Variants in SDK1 observed in about 807,000 individuals in gnomAD.
SDK1 encodes protein sidekick-1.
A neutral mutation model predicts 245.5 loss-of-function variants in SDK1; 157 were observed. The observed-to-expected ratio is 0.64, with a 90% confidence interval of 0.56 to 0.73. The LOEUF (loss-of-function observed/expected upper bound fraction) is 0.73. Among genes scored for constraint, SDK1 ranks in the 30% least tolerant of loss-of-function variants. SDK1 has a pLI of 0.00. For missense variants in SDK1, 3,583 were observed against 3,002.3 expected (o/e 1.19, Z -4.52); for synonymous variants, 1,647 against 1,278.5 (o/e 1.29, Z -6.15).
chr7:3,951,092 C>A, intron 6 of SDK1, 58 bp downstream of exon 6: 1 of 1,268,146 alleles, frequency 7.9e-7, no homozygotes, highest in Non-Finnish European at 1.2e-6. Context: ...TGTGACGAGC[C>A]GACGATAGAA....
chr7:4,234,596 C>A (rs73674250), intron 41 of SDK1, among the ~76,000 whole-genome samples: 1 of 152,274 alleles, frequency 6.6e-6, no homozygotes, highest in African/African-American at 2.4e-5. Flanking sequence ...CAAAGCTGGT[C>A]CCTGGTTGTG....
chr7:3,509,710 C>A (rs1583975054), intron 1 of SDK1, among the ~76,000 whole-genome samples: 1 of 152,196 alleles, frequency 6.6e-6, no homozygotes, highest in South Asian at 2.1e-4. Context: ...ACAGGGCAGG[C>A]TCAGAGAGCA....
intron 1 of SDK1, among the ~76,000 whole-genome samples, chr7:3,409,433 G>T (rs986153051): frequency 6.6e-6 from 1 of 151,808 alleles, no homozygotes; most frequent in Non-Finnish European, 1.5e-5. Context: ...TGGCTGTTCT[G>T]CCTCTTCACC....
intron 14 of SDK1, among the ~76,000 whole-genome samples, chr7:3,998,635 C>CT (rs1784851415): frequency 1.3e-5 from 2 of 152,186 alleles, no homozygotes. Context: ...ATCTATGACT[C>CT]TAGGTTCCCC....
intron 1 of SDK1, among the ~76,000 whole-genome samples, chr7:3,466,979 T>C (rs911518140): frequency 7.8e-6 from 1 of 127,542 alleles, no homozygotes; most frequent in African/African-American, 3.1e-5. Context: ...TCTCTCTCTC[T>C]ACACACACAC....
intron 4 of SDK1, among the ~76,000 whole-genome samples, chr7:3,645,543 A>G (rs1271608844): frequency 6.6e-6 from 1 of 152,232 alleles, no homozygotes; most frequent in Non-Finnish European, 1.5e-5. Flanking sequence ...TACAAATTAT[A>G]TGAATATTAA....
At chr7:3,847,432 A>G (rs895706706) in intron 5 of SDK1, among the ~76,000 whole-genome samples, 1 of 152,242 alleles carries the variant, frequency 6.6e-6, no homozygotes, top group Non-Finnish European at 1.5e-5. Context: ...CGAGGCCTTT[A>G]ACAAGCTATG....
intron 16 of SDK1, among the ~76,000 whole-genome samples, chr7:4,014,436 T>G (rs1376297381): frequency 6.6e-6 from 1 of 152,124 alleles, no homozygotes; most frequent in South Asian, 2.1e-4. Context: ...TATCAAAGTT[T>G]TCAGAAATGA....
intron 1 of SDK1, among the ~76,000 whole-genome samples, chr7:3,585,745 G>C (rs1040639308): frequency 2.0e-5 from 3 of 152,172 alleles, no homozygotes; most frequent in African/African-American, 7.2e-5. Context: ...TCAGGATTGA[G>C]CACAGCATAA....
At chr7:4,149,555 C>A in intron 30 of SDK1, 92 bp downstream of exon 30, 2 of 801,462 alleles carry the variant, frequency 2.5e-6, no homozygotes, top group South Asian at 2.4e-5. Context: ...CTGTGTGGGC[C>A]AAGCAGGTGC....
intron 4 of SDK1, among the ~76,000 whole-genome samples, chr7:3,726,908 A>C (rs966823695): frequency 1.3e-5 from 2 of 152,240 alleles, no homozygotes; most frequent in African/African-American, 4.8e-5. Flanking sequence ...CACACCAAAG[A>C]ATTTTTGCTC....
chr7:3,319,929 G>A (rs538032714), intron 1 of SDK1, among the ~76,000 whole-genome samples: 302 of 102,474 alleles, frequency 2.9e-3, no homozygotes, highest in Non-Finnish European at 4.9e-3. Context: ...AGCATTGAAA[G>A]GGAGGGCAGC....
chr7:4,171,521 T>C (rs1044703685), intron 32 of SDK1, among the ~76,000 whole-genome samples: 1 of 152,188 alleles, frequency 6.6e-6, no homozygotes, highest in Non-Finnish European at 1.5e-5. Flanking sequence ...TCATTTGACA[T>C]TGAAGTCCCG....
intron 32 of SDK1, among the ~76,000 whole-genome samples, chr7:4,165,470 C>G (rs1297732707): frequency 6.6e-6 from 1 of 152,166 alleles, no homozygotes; most frequent in African/African-American, 2.4e-5. Context: ...GACAGTCAAT[C>G]CTTGCCTTTC....
At chr7:3,586,720 A>G (rs1562583295) in intron 1 of SDK1, among the ~76,000 whole-genome samples, 1 of 151,812 alleles carries the variant, frequency 6.6e-6, no homozygotes. Flanking sequence ...AAAAAAAAAA[A>G]AAGAAATAGA....
At chr7:3,534,919 C>T (rs573141930) in intron 1 of SDK1, among the ~76,000 whole-genome samples, 1 of 152,276 alleles carries the variant, frequency 6.6e-6, no homozygotes, top group East Asian at 1.9e-4. Flanking sequence ...GACAAGACAG[C>T]GCCAGTCAGT....
At chr7:3,350,287 T>C (rs1780625497) in intron 1 of SDK1, among the ~76,000 whole-genome samples, 1 of 151,438 alleles carries the variant, frequency 6.6e-6, no homozygotes, top group Admixed American at 6.6e-5. Flanking sequence ...AGTGTCTGTG[T>C]GGGCGTTATT....
chr7:4,017,429 G>A lies in SDK1; in HGVS notation c.2602+77G>A, dbSNP rs555889462. 4.0e-5 allele frequency: 53 copies of A among 1,324,332 alleles called. No individual in the cohort carries two copies. In the Admixed American group the frequency reaches 1.0e-3, roughly 26 times the overall value. 82.0% of individuals were successfully genotyped at this position (1,324,332 alleles called of 1,614,324 possible). A position where few individuals can be genotyped will look rare whatever the true frequency, so the allele number is the denominator to read the frequency against. On this transcript the variant is annotated intron_variant, in intron 17 of 44. Coordinates refer to ENST00000404826, the MANE Select transcript of SDK1 (RefSeq NM_152744.4). ...GATTTGCAAGGTTTGACTGGAGTACGTTAGAAAGAAAAACAGAGAATCCAG... is the reference window on the plus strand; with the variant it reads ...GATTTGCAAGGTTTGACTGGAGTACATTAGAAAGAAAAACAGAGAATCCAG...
chr7:3,368,282 C>A (rs960133232), intron 1 of SDK1, among the ~76,000 whole-genome samples: 1 of 152,202 alleles, frequency 6.6e-6, no homozygotes, highest in South Asian at 2.1e-4. Flanking sequence ...GTTCCCCAGA[C>A]AGAATCTGCT....
Sources: allele counts gnomAD v4.1 joint callset (sites outside exome capture counted in the v4.1 genomes callset), GRCh38; gene constraint gnomAD v4.1.1; transcripts MANE v1.5; gene names NCBI Gene and HGNC (gene_info 2026-07-23, HGNC 2026-07-21).